The following HAT1 variants were observed in gnomAD, a reference collection of about 807,000 sequenced individuals.
HAT1 encodes the protein histone acetyltransferase type B catalytic subunit.
In HAT1, 20 loss-of-function variants were observed where a neutral mutation model predicts 56.6. That is an observed-to-expected ratio of 0.35 (90% CI 0.25 to 0.51). HAT1 has a LOEUF of 0.51. HAT1 is among the 20% of genes least tolerant of loss of function. The probability of loss-of-function intolerance (pLI) is 0.95; values close to 1 mark genes in which losing one functional copy is unlikely to be tolerated. For missense variants in HAT1, 408 were observed against 504.3 expected, an observed-to-expected ratio of 0.81 and a Z score of 1.83; for synonymous variants, 146 against 165.5, an observed-to-expected ratio of 0.88 and a Z score of 0.91.
intron 9 of HAT1, among the ~76,000 whole-genome samples, chr2:171,977,559 T>TATATA (rs1688019365): frequency 0.01 from 107 of 10,320 alleles, 1 homozygote; most frequent in African/African-American, 0.02. Context: ...ATATATATAT[T>TATATA]TTTTTTTTTT....
intron 10 of HAT1, among the ~76,000 whole-genome samples, chr2:171,981,037 G>A (rs1377035098): frequency 6.6e-6 from 1 of 151,918 alleles, no homozygotes; most frequent in East Asian, 1.9e-4. Context: ...AGGCATGGTG[G>A]GAGGTGCCTG....
intron 3 of HAT1, among the ~76,000 whole-genome samples, chr2:171,950,669 A>G (rs573352478): frequency 6.6e-6 from 1 of 150,484 alleles, no homozygotes; most frequent in Non-Finnish European, 1.5e-5. Flanking sequence ...CCACCCAGCT[A>G]ATTTTTGTAT....
Position 171,983,182 on chromosome 2 carries a change from T to C in HAT1, c.1093-3T>C. The C allele has an allele frequency of 6.6e-7, 1 of 1,524,804 alleles. No individual in the cohort carries two copies. Among genetic ancestry groups the C allele is most frequent in the Non-Finnish European group, 8.9e-7 (1 of 1,129,366 alleles). The allele number at this position is 1,524,804 out of a possible 1,614,324, so 94.5% of individuals were successfully genotyped here. On this transcript the variant is annotated splice_polypyrimidine_tract_variant and splice_region_variant and intron_variant, in intron 10 of 10. Transcript: ENST00000264108. ...GTCTAACAAATAATTGTTTGTCACT[T>C]AGAAAAAGCAGAGAGATCTTGCTAA...
chr2:171,959,091 T>C (rs1295142663), intron 4 of HAT1, among the ~76,000 whole-genome samples: 2 of 152,228 alleles, frequency 1.3e-5, no homozygotes, highest in Non-Finnish European at 2.9e-5. Flanking sequence ...TTATATAGTT[T>C]GTTTCCCAGG....
chr2:171,936,387 G>A (rs1181395178), intron 2 of HAT1, among the ~76,000 whole-genome samples: 1 of 152,196 alleles, frequency 6.6e-6, no homozygotes, highest in Non-Finnish European at 1.5e-5. Flanking sequence ...AGCCATGTGT[G>A]CCAAAGAACT....
At chr2:171,974,201 G>GAAAA (rs1323383820) in intron 8 of HAT1, among the ~76,000 whole-genome samples, 2 of 83,504 alleles carry the variant, frequency 2.4e-5, no homozygotes, top group African/African-American at 3.9e-5. Context: ...AAGAAAAAAA[G>GAAAA]AAAAAGAAAA....
At chr2:171,964,850 A>C (rs1160404600) in intron 4 of HAT1, 1 of 152,244 alleles carries the variant, frequency 6.6e-6, no homozygotes, top group African/African-American at 2.4e-5. Flanking sequence ...TTAAGTTATC[A>C]TCTTAGTTTG....
intron 1 of HAT1, chr2:171,922,915 C>T (rs541017587): frequency 1.1e-5 from 2 of 185,416 alleles, no homozygotes; most frequent in Admixed American, 1.2e-4. Flanking sequence ...TCCTCCTCCT[C>T]TTCCAGGTCT....
intron 6 of HAT1, 137 bp downstream of exon 6, chr2:171,966,045 T>A: frequency 1.3e-6 from 1 of 761,774 alleles, no homozygotes; most frequent in South Asian, 1.8e-5. Flanking sequence ...GAGGCTTGAG[T>A]TTTCCTTCAT....
chr2:171,969,333 ATAT>A (rs1687758539), intron 8 of HAT1, among the ~76,000 whole-genome samples: 1 of 152,142 alleles, frequency 6.6e-6, no homozygotes, highest in Admixed American at 6.5e-5. Flanking sequence ...GCTTTTTAGA[ATAT>A]TATGTGAATT....
chr2:171,963,121 C>T (rs898407772), intron 4 of HAT1, among the ~76,000 whole-genome samples: 1 of 150,550 alleles, frequency 6.6e-6, no homozygotes, highest in East Asian at 1.9e-4. Flanking sequence ...TTTAGTGAAG[C>T]GAAGTTGTAA....
intron 3 of HAT1, among the ~76,000 whole-genome samples, chr2:171,947,379 G>A (rs1468586592): frequency 6.6e-6 from 1 of 151,482 alleles, no homozygotes; most frequent in East Asian, 1.9e-4. Flanking sequence ...CTGAGCCTCC[G>A]AGTAGCTGGG....
At chr2:171,922,706 C>G (rs914760871) in intron 1 of HAT1, 199 bp downstream of exon 1, 1 of 411,802 alleles carries the variant, frequency 2.4e-6, no homozygotes, top group Non-Finnish European at 4.2e-6. Context: ...CCCCCAACTG[C>G]TTGGGGTTCT....
intron 4 of HAT1, among the ~76,000 whole-genome samples, chr2:171,956,518 A>C: frequency 6.6e-6 from 1 of 152,072 alleles, no homozygotes. Context: ...TCTCCAAAAA[A>C]CAAACAAACA....
At chr2:171,924,985 G>T (rs1180182930) in intron 1 of HAT1, 1 of 151,032 alleles carries the variant, frequency 6.6e-6, no homozygotes, top group South Asian at 2.1e-4. Flanking sequence ...TAATTTTCAG[G>T]TTTATTCATT....
At position 171,983,381 on chromosome 2, in the gene HAT1, G is replaced by T; in HGVS notation, c.*29G>T. 7.5e-7 allele frequency: 1 copy of T among 1,336,922 alleles called. No homozygotes were observed. The highest frequency in any genetic ancestry group is 1.7e-5 in the South Asian group (1 of 60,420). The allele number at this position is 1,336,922 out of a possible 1,614,324, so 82.8% of individuals were successfully genotyped here. A position where few individuals can be genotyped will look rare whatever the true frequency, so the allele number is the denominator to read the frequency against. On this transcript the variant is annotated 3_prime_UTR_variant, in exon 11 of 11. Coordinates refer to ENST00000264108, the MANE Select transcript of HAT1 (RefSeq NM_003642.4). ...TTATACTGCTCTGTACAGGAAGCTT[G>T]CAAATTTTCTGTACAATGTGCTGTG... is the stretch of plus-strand genomic sequence containing the variant.
chr2:171,950,369 C>T (rs1687277227), intron 3 of HAT1, among the ~76,000 whole-genome samples: 1 of 150,576 alleles, frequency 6.6e-6, no homozygotes, highest in South Asian at 2.1e-4. Context: ...TTAGTAGAGG[C>T]GGGGTTTTGG....
rs182102610 is a variant in HAT1 at position 171,978,172 on chromosome 2, C to T, written c.976-1075C>T. 1.1e-4 allele frequency among the ~76,000 whole-genome samples: 17 copies of T among 151,338 alleles called. No homozygotes were observed. In the East Asian group the frequency reaches 2.7e-3, roughly 24 times the overall value. On this transcript the variant is annotated intron_variant, in intron 9 of 10. Coordinates refer to ENST00000264108, the MANE Select transcript of HAT1 (RefSeq NM_003642.4). ...CTCAACCTCCTGGGCTCAAATGACTCTCCCACCTCAGCCTCCCAAGTAGCT... is the reference window on the plus strand; with the variant it reads ...CTCAACCTCCTGGGCTCAAATGACTTTCCCACCTCAGCCTCCCAAGTAGCT...
intron 6 of HAT1, 128 bp downstream of exon 6, chr2:171,966,036 A>T: frequency 1.2e-6 from 1 of 845,906 alleles, no homozygotes; most frequent in Admixed American, 2.6e-5. Context: ...ATTGTTTATG[A>T]GGCTTGAGTT....
Sources: gnomAD v4.1 joint callset for allele counts (sites outside exome capture counted in the v4.1 genomes callset) on GRCh38, gnomAD v4.1.1 for gene constraint, MANE v1.5 for transcripts, NCBI Gene and HGNC (gene_info 2026-07-23, HGNC 2026-07-21) for gene names.